CFAP251: variants seen among roughly 807,000 people sequenced by gnomAD.
The protein encoded by CFAP251 is cilia- and flagella-associated protein 251.
In CFAP251, 93 loss-of-function variants were observed where a neutral mutation model predicts 126.7. The observed-to-expected ratio is 0.73, with a 90% confidence interval of 0.62 to 0.87. The LOEUF (loss-of-function observed/expected upper bound fraction) is 0.87. Among genes scored for constraint, CFAP251 ranks in the 40% least tolerant of loss-of-function variants. The probability of loss-of-function intolerance (pLI) is 0.00; values close to 1 mark genes in which losing one functional copy is unlikely to be tolerated. For synonymous variants in CFAP251, 503 were observed against 506.9 expected (o/e 0.99, Z 0.10); for missense variants, 1,287 against 1,389.2 (o/e 0.93, Z 1.17).
chr12:121,922,461 G>A (rs1456179517), intron 2 of CFAP251, among the ~76,000 whole-genome samples: 1 of 152,086 alleles, frequency 6.6e-6, no homozygotes, highest in African/African-American at 2.4e-5. Flanking sequence ...TGCAGTGAGT[G>A]AAAGATGCAC....
rs866436819 is a variant in CFAP251, at chr12:121,990,504, A to T, written c.3007-9212A>T. 2.0e-5 allele frequency among the ~76,000 whole-genome samples: 3 copies of T among 152,100 alleles called. No individual in the cohort carries two copies. The Middle Eastern group carries it at 0.01, about 517-fold the overall frequency. The stretch of plus-strand genomic sequence containing the variant: ...GCACCTCCTCTGCACCCTCCTCCTC[A>T]TGCTTGTTTCCCAGCATACAGTGTC... On this transcript the variant is annotated intron_variant, in intron 19 of 21. Transcript: ENST00000288912.
chr12:121,961,369 C>T (rs113121318), intron 14 of CFAP251, among the ~76,000 whole-genome samples: 2 of 146,534 alleles, frequency 1.4e-5, no homozygotes, highest in African/African-American at 5.0e-5. Context: ...TTTCTCCATC[C>T]ATTCATCCAT....
chr12:121,928,670 GTATATATATATATATATACGTATATA>G (rs1565902673), intron 3 of CFAP251, among the ~76,000 whole-genome samples: 1,234 of 50,858 alleles, frequency 0.024, 60 homozygotes, highest in African/African-American at 0.041. Flanking sequence ...ATATATATAC[GTATATATATATATATATACGTATATA>G]TATATATATT....
rs1382071249 is a variant in CFAP251, at chr12:121,951,460, T to G, written c.1270-20T>G. 6.6e-7 allele frequency: 1 copy of G among 1,517,446 alleles called. No homozygotes were observed. The highest frequency in any genetic ancestry group is 9.0e-7 in the Non-Finnish European group (1 of 1,109,710). The allele number at this position is 1,517,446 out of a possible 1,614,324, so 94.0% of individuals were successfully genotyped here. ...GAAACTGGGTCTTTTTGAGTAGTGA[T>G]TATTTTTTCCTCTTATCAGTATGAA... On this transcript the variant is annotated intron_variant, in intron 8 of 21. Transcript: ENST00000288912.
chr12:121,967,823 C>T (rs549935674), intron 16 of CFAP251, among the ~76,000 whole-genome samples, 183 bp from the exon 17 acceptor site: 9 of 152,334 alleles, frequency 5.9e-5, no homozygotes, highest in African/African-American at 9.6e-5. Flanking sequence ...TGCAAGGGGC[C>T]CCCTACCAGG....
rs187810034 is a variant in CFAP251, at chr12:121,921,731, T to C, written c.378+48T>C. On this transcript the variant is annotated intron_variant, in intron 2 of 21. Coordinates refer to ENST00000288912, the MANE Select transcript of CFAP251 (RefSeq NM_144668.6). Reference sequence around the variant, plus strand: ...TCATCAATTCATTCAGAATCATTAGTTGAATGCTTAGTATAGGCCAGACTA... The same window carrying C: ...TCATCAATTCATTCAGAATCATTAGCTGAATGCTTAGTATAGGCCAGACTA... The C allele has an allele frequency of 1.5e-4, 226 of 1,554,830 alleles. No homozygotes were observed. In the African/African-American group the frequency reaches 2.9e-3, roughly 20 times the overall value.
intron 19 of CFAP251, among the ~76,000 whole-genome samples, chr12:121,977,610 A>G (rs1882493645): frequency 1.3e-5 from 2 of 151,918 alleles, no homozygotes; most frequent in South Asian, 4.2e-4. Context: ...CAGTGAGCCA[A>G]GATCACACCA....
At chr12:121,975,720 G>A (rs375240540) in intron 19 of CFAP251, 35 bp downstream of exon 19, 1 of 1,532,472 alleles carries the variant, frequency 6.5e-7, no homozygotes, top group Non-Finnish European at 8.7e-7. Context: ...GCAACGGGAT[G>A]TGCTATTTAT....
chr12:121,966,730 C>T (rs190525943), intron 15 of CFAP251, among the ~76,000 whole-genome samples: 101 of 151,698 alleles, frequency 6.7e-4, no homozygotes, highest in African/African-American at 2.3e-3. Context: ...GGATTGCAGG[C>T]ACCTGCCACC....
intron 3 of CFAP251, among the ~76,000 whole-genome samples, chr12:121,926,389 C>T (rs182345938): frequency 7.5e-4 from 113 of 151,394 alleles, no homozygotes; most frequent in Admixed American, 1.3e-3. Context: ...TGCAGTGGTG[C>T]GATCATGGTT....
chr12:121,996,385 A>G (rs1565926295), intron 19 of CFAP251, among the ~76,000 whole-genome samples: 1 of 152,236 alleles, frequency 6.6e-6, no homozygotes, highest in African/African-American at 2.4e-5. Context: ...TTTCACTGGT[A>G]TAATTGGGGT....
intron 9 of CFAP251, chr12:121,953,531 T>C (rs1881605387): frequency 6.6e-6 from 1 of 152,310 alleles, no homozygotes; most frequent in Non-Finnish European, 1.5e-5. Context: ...TAAAAATGTA[T>C]TGAAACAGTG....
rs78910014 is a variant in CFAP251 at position 121,949,042 on chromosome 12, G to A, written c.1250G>A (p.Arg417Gln). Residue 417 changes from arginine to glutamine, a missense_variant, in exon 8 of 22, where the codon CGG (arginine) becomes CAG (glutamine). Arg to Gln is a conservative substitution (Grantham distance 43). Transcript: ENST00000288912. ...NKELVSNSKT[R>Q]AIYYAWYEER... ...GAATTGGTGAGCAATAGTAAAACAC[G>A]GGCAATATATTATGCATGGGTAAGC... The A allele has an allele frequency of 0.045, 70,657 of 1,582,920 alleles. 1,898 individuals carry two copies. The highest frequency in any genetic ancestry group is 0.049 in the South Asian group (4,181 of 85,494).
intron 19 of CFAP251, among the ~76,000 whole-genome samples, chr12:121,977,853 G>A (rs1882505334): frequency 6.6e-6 from 1 of 151,226 alleles, no homozygotes; most frequent in Non-Finnish European, 1.5e-5. Flanking sequence ...CAGCTATTCA[G>A]GAGGCTGAGG....
Position 121,923,816 on chromosome 12 carries a change from A to G in CFAP251, c.573A>G (p.Gln191=), listed in dbSNP as rs779332951. 5.6e-6 allele frequency: 9 copies of G among 1,614,190 alleles called. No homozygotes were observed. The South Asian group carries it at 7.7e-5, about 14-fold the overall frequency. ...AGGAGAAAACCGACCGGATGCCCCA[A>G]GATGAACTGGGACAAGAAAGAAGGG... ...ELEEKTDRMP[Q]DELGQERRDL... The change falls in exon 3 of 22, where the codon CAA becomes CAG. Residue 191 remains glutamine, a synonymous_variant. Coordinates refer to ENST00000288912, the MANE Select transcript of CFAP251 (RefSeq NM_144668.6).
At chr12:121,960,000 G>A (rs974225740) in intron 13 of CFAP251, among the ~76,000 whole-genome samples, 2 of 152,120 alleles carry the variant, frequency 1.3e-5, no homozygotes, top group South Asian at 4.1e-4. Flanking sequence ...AGGTATGGTG[G>A]CATGTGCCTG....
chr12:121,956,733 T>C (rs931731739), intron 10 of CFAP251, among the ~76,000 whole-genome samples: 1 of 152,142 alleles, frequency 6.6e-6, no homozygotes, highest in Non-Finnish European at 1.5e-5. Context: ...TGACCTCAGG[T>C]GATCCACCCG....
At chr12:121,923,120 CT>C (rs1880260349) in intron 2 of CFAP251, among the ~76,000 whole-genome samples, 1 of 151,342 alleles carries the variant, frequency 6.6e-6, no homozygotes, top group African/African-American at 2.4e-5. Flanking sequence ...CCTTTTCCCC[CT>C]CCCCTCCCCT....
At chr12:121,924,063 TG>T in intron 3 of CFAP251, 73 bp downstream of exon 3, 4 of 1,482,962 alleles carry the variant, frequency 2.7e-6, no homozygotes, top group East Asian at 2.3e-5. Flanking sequence ...TTATGCATGT[TG>T]GGGGAAAAAG....
Sources: gnomAD v4.1 joint callset for allele counts (sites outside exome capture counted in the v4.1 genomes callset) on GRCh38, gnomAD v4.1.1 for gene constraint, MANE v1.5 for transcripts, NCBI Gene and HGNC (gene_info 2026-07-23, HGNC 2026-07-21) for gene names.